Variants in GATA4 observed in about 807,000 individuals in gnomAD.
GATA4 encodes GATA binding protein 4, also known as transcription factor GATA-4.
A neutral mutation model predicts 37.9 loss-of-function variants in GATA4; 7 were observed. The observed-to-expected ratio is 0.18, with a 90% CI of 0.11 to 0.35. The LOEUF is 0.35. Among genes scored for constraint, GATA4 ranks in the 10% least tolerant of loss-of-function variants. The pLI, the probability that GATA4 is intolerant of heterozygous loss-of-function variation, is 1.00. For missense variants in GATA4, 647 were observed against 653.0 expected (o/e 0.99, Z 0.10); for synonymous variants, 372 against 292.6 (o/e 1.27, Z -2.77).
intron 2 of GATA4, among the ~76,000 whole-genome samples, chr8:11,719,861 A>G (rs910611059): frequency 8.5e-5 from 13 of 152,214 alleles, no homozygotes. Flanking sequence ...GTGTAAAAAC[A>G]TATTTTTTAA....
At chr8:11,742,249 C>T (rs1408558898) in intron 2 of GATA4, among the ~76,000 whole-genome samples, 1 of 152,132 alleles carries the variant, frequency 6.6e-6, no homozygotes, top group South Asian at 2.1e-4. Context: ...CCTTCACGCT[C>T]ATCTTTCTCT....
chr8:11,726,889 C>A (rs1239529027), intron 2 of GATA4, among the ~76,000 whole-genome samples: 1 of 152,224 alleles, frequency 6.6e-6, no homozygotes, highest in Non-Finnish European at 1.5e-5. Context: ...GACTCACAAT[C>A]TTTCCCTGCC....
At position 11,758,399 on chromosome 8, in the gene GATA4, C is replaced by T. The variant is rs377393254; in HGVS notation, c.1256C>T (p.Pro419Leu). ...QGYASPVSQSPQTSSKQDSWN... is the reference protein window; with the variant it reads ...QGYASPVSQSLQTSSKQDSWN... Reference sequence around the variant, plus strand: ...TATGCGTCTCCCGTCAGCCAGTCTCCACAGACCAGCTCCAAGCAGGACTCT... The same window carrying T: ...TATGCGTCTCCCGTCAGCCAGTCTCTACAGACCAGCTCCAAGCAGGACTCT... Residue 419 changes from proline to leucine, a missense_variant, in exon 7 of 7, where the codon CCA (proline) becomes CTA (leucine). Pro to Leu is a moderately conservative substitution (Grantham distance 98, BLOSUM62 -3). Transcript: ENST00000532059. The T allele has an allele frequency of 2.5e-6, 4 of 1,614,136 alleles. No individual in the cohort carries two copies. In the African/African-American group the frequency reaches 5.3e-5, roughly 22 times the overall value.
rs888480324 is a variant in GATA4 at position 11,759,798 on chromosome 8, C to T, written c.*1323C>T. ...TGGCATTACTACGCCTCCCCACACGCCCAGACCCCTCACTCCAAAATCCTA... is the reference window on the plus strand; with the variant it reads ...TGGCATTACTACGCCTCCCCACACGTCCAGACCCCTCACTCCAAAATCCTA... On this transcript the variant is annotated 3_prime_UTR_variant, in exon 7 of 7. Coordinates refer to ENST00000532059, the MANE Select transcript of GATA4 (RefSeq NM_001308093.3). The T allele has an allele frequency of 6.6e-6, 1 of 152,348 alleles. No homozygotes were observed. Among genetic ancestry groups the T allele is most frequent in the African/African-American group, 2.4e-5 (1 of 41,468 alleles). 9.4% of individuals were successfully genotyped at this position (152,348 alleles called of 1,614,324 possible). A position where few individuals can be genotyped will look rare whatever the true frequency, so the allele number is the denominator to read the frequency against.
At chr8:11,689,237 C>T (rs1799237892), upstream of GATA4, among the ~76,000 whole-genome samples, 1 of 152,134 alleles carries the variant, frequency 6.6e-6, no homozygotes, top group South Asian at 2.1e-4. Context: ...AAGCATTTTC[C>T]AGTGTAAAAA....
chr8:11,686,882 C>T, intron 1 of GATA4, among the ~76,000 whole-genome samples: 1 of 151,934 alleles, frequency 6.6e-6, no homozygotes, highest in East Asian at 1.9e-4. Flanking sequence ...CCTGTAATCC[C>T]AGCTACTCAG....
Position 11,758,655 on chromosome 8 carries a change from G to A in GATA4, c.*180G>A. On this transcript the variant is annotated 3_prime_UTR_variant, in exon 7 of 7. Transcript: ENST00000532059. ...GGGAAGCGGGTGTTGGATTTTCTCA[G>A]ATGCCTTTACACGCTGATGGGACTG... 1 of 677,924 alleles carries A rather than the reference G, an allele frequency of 1.5e-6. No homozygotes were observed. The highest frequency in any genetic ancestry group is 1.7e-5 in the South Asian group (1 of 59,418). 42.0% of individuals were successfully genotyped at this position (677,924 alleles called of 1,614,324 possible).
Position 11,749,990 on chromosome 8 carries a change from G to C in GATA4, c.787-121G>C, listed in dbSNP as rs181215947. On this transcript the variant is annotated intron_variant, in intron 3 of 6. Coordinates refer to ENST00000532059, the MANE Select transcript of GATA4 (RefSeq NM_001308093.3). This position sits in a 1 kb window ranked among gnomAD's most constrained non-coding sequence, Gnocchi z 4.6. ...CGTCACAGGTCAGAGATCTCATGCA[G>C]GGTCGTTAGGGCCCAGCCCTGCCTC... 2.5e-4 allele frequency: 344 copies of C among 1,361,512 alleles called. No homozygotes were observed. The Middle Eastern group carries it at 2.9e-3, about 11-fold the overall frequency. The allele number at this position is 1,361,512 out of a possible 1,614,324, so 84.3% of individuals were successfully genotyped here. A position where few individuals can be genotyped will look rare whatever the true frequency, so the allele number is the denominator to read the frequency against.
At chr8:11,740,109 T>G (rs1801654903) in intron 2 of GATA4, among the ~76,000 whole-genome samples, 1 of 152,158 alleles carries the variant, frequency 6.6e-6, no homozygotes, top group Non-Finnish European at 1.5e-5. Context: ...TGGTTGTATC[T>G]GAGCCTGAAG....
At chr8:11,679,663 A>T (rs1015136303) in intron 1 of GATA4, among the ~76,000 whole-genome samples, 1 of 152,196 alleles carries the variant, frequency 6.6e-6, no homozygotes, top group Non-Finnish European at 1.5e-5. Flanking sequence ...CCTTAAAAGT[A>T]TCCCGGCGAG....
At chr8:11,703,906 G>A (rs892337662), upstream of GATA4, among the ~76,000 whole-genome samples, 3 of 152,214 alleles carry the variant, frequency 2.0e-5, no homozygotes, top group African/African-American at 7.2e-5. Context: ...GGCGGGGAGG[G>A]AGAAAGGGAA....
At chr8:11,681,258 G>T (rs1386887424) in intron 1 of GATA4, 4 of 985,234 alleles carry the variant, frequency 4.1e-6, no homozygotes, top group Non-Finnish European at 4.8e-6. Flanking sequence ...GTCTGGGAGC[G>T]ACTGGATTCC....
At chr8:11,721,300 T>C (rs1217675190) in intron 2 of GATA4, among the ~76,000 whole-genome samples, 1 of 150,216 alleles carries the variant, frequency 6.7e-6, no homozygotes, top group African/African-American at 2.5e-5. Flanking sequence ...GCCCAGGACT[T>C]AGCTTGAATC....
intron 1 of GATA4, among the ~76,000 whole-genome samples, chr8:11,693,617 C>T (rs1799411026): frequency 6.9e-6 from 1 of 145,888 alleles, no homozygotes; most frequent in Admixed American, 6.8e-5. Context: ...TTCAGCACAA[C>T]CGGTGCATTT....
chr8:11,720,675 C>G (rs1585622874), intron 2 of GATA4, among the ~76,000 whole-genome samples: 1 of 152,168 alleles, frequency 6.6e-6, no homozygotes, highest in South Asian at 2.1e-4. Context: ...TCATTCAGCT[C>G]CCACTTATAT....
At chr8:11,678,371 G>A (rs1199612542) in intron 1 of GATA4, among the ~76,000 whole-genome samples, 16 of 152,140 alleles carry the variant, frequency 1.1e-4, no homozygotes, top group African/African-American at 3.6e-4. Context: ...CAGCCCCACC[G>A]GCTTCCAGGG....
upstream of GATA4, among the ~76,000 whole-genome samples, chr8:11,692,330 C>T (rs144550997): frequency 1.5e-4 from 23 of 152,352 alleles, no homozygotes; most frequent in Admixed American, 3.9e-4. Flanking sequence ...AGAACACTTG[C>T]TCCATGAGAA....
chr8:11,749,156 G>T lies in GATA4; in HGVS notation c.786+71G>T. The T allele has an allele frequency of 6.6e-7, 1 of 1,526,418 alleles. No individual in the cohort carries two copies. The highest frequency in any genetic ancestry group is 9.0e-7 in the Non-Finnish European group (1 of 1,115,644). 94.6% of individuals were successfully genotyped at this position (1,526,418 alleles called of 1,614,324 possible). A position where few individuals can be genotyped will look rare whatever the true frequency, so the allele number is the denominator to read the frequency against. On this transcript the variant is annotated intron_variant, in intron 3 of 6. Coordinates refer to ENST00000532059, the MANE Select transcript of GATA4 (RefSeq NM_001308093.3). This position sits in a 1 kb window ranked among gnomAD's most constrained non-coding sequence, Gnocchi z 4.6. ...CTCTCGCCTTGGTGGGACATCCTCTGGTTTTGAATTTTGGAACTTGAGGGT... is the reference window on the plus strand; with the variant it reads ...CTCTCGCCTTGGTGGGACATCCTCTTGTTTTGAATTTTGGAACTTGAGGGT...
rs1800024685 is a variant in GATA4 at position 11,708,825 on chromosome 8, G to A, written c.513G>A (p.Ala171=). 6.7e-7 allele frequency: 1 copy of A among 1,493,096 alleles called. No individual in the cohort carries two copies. The highest frequency in any genetic ancestry group is 1.5e-5 in the African/African-American group (1 of 68,494). 92.5% of individuals were successfully genotyped at this position (1,493,096 alleles called of 1,614,324 possible). A position where few individuals can be genotyped will look rare whatever the true frequency, so the allele number is the denominator to read the frequency against. Residue 171 remains alanine, a synonymous_variant, in exon 2 of 7, where the codon GCG becomes GCA. Coordinates refer to ENST00000532059, the MANE Select transcript of GATA4 (RefSeq NM_001308093.3). The surrounding 1 kb of genome is among the most constrained non-coding windows in gnomAD (Gnocchi z 6.7). ...CGGCTTACATGGCCGACGTGGGCGCGTCCTGGGCCGCAGCCGCCGCCGCCT... is the reference window on the plus strand; with the variant it reads ...CGGCTTACATGGCCGACGTGGGCGCATCCTGGGCCGCAGCCGCCGCCGCCT... The part of the protein sequence containing the change: ...PYPAYMADVG[A]SWAAAAAASA...
Sources: allele counts gnomAD v4.1 joint callset (sites outside exome capture counted in the v4.1 genomes callset), GRCh38; gene constraint gnomAD v4.1.1; non-coding constraint Gnocchi (gnomAD v3.1); transcripts MANE v1.5; gene names NCBI Gene and HGNC (gene_info 2026-07-23, HGNC 2026-07-21).